The following JAZF1 variants were observed in gnomAD, a reference collection of about 807,000 sequenced individuals.
JAZF1 encodes the protein juxtaposed with another zinc finger protein 1.
A neutral mutation model predicts 26.4 loss-of-function variants in JAZF1; 8 were observed. The observed-to-expected ratio is 0.30, with a 90% CI of 0.18 to 0.55. The LOEUF (loss-of-function observed/expected upper bound fraction) is 0.55. Ranked by LOEUF, JAZF1 falls within the 20% of genes least tolerant of loss-of-function variation. The pLI, the probability that JAZF1 is intolerant of heterozygous loss-of-function variation, is 0.94. For synonymous variants in JAZF1, 126 were observed against 122.3 expected, an observed-to-expected ratio of 1.03 and a Z score of -0.20; for missense variants, 199 against 322.0, an observed-to-expected ratio of 0.62 and a Z score of 2.92.
chr7:28,007,812 A>G (rs1782730011), intron 1 of JAZF1, among the ~76,000 whole-genome samples: 1 of 152,198 alleles, frequency 6.6e-6, no homozygotes, highest in African/African-American at 2.4e-5. Context: ...AATGGAGAGG[A>G]AGGTACAGAG....
At chr7:27,838,463 C>G (rs1194463131) in intron 4 of JAZF1, among the ~76,000 whole-genome samples, 1 of 152,074 alleles carries the variant, frequency 6.6e-6, no homozygotes, top group Non-Finnish European at 1.5e-5. Flanking sequence ...ACTGTAGATC[C>G]TGGTCAGTGC....
intron 3 of JAZF1, among the ~76,000 whole-genome samples, chr7:27,853,316 C>T (rs1783185833): frequency 6.6e-6 from 1 of 152,112 alleles, no homozygotes; most frequent in South Asian, 2.1e-4. Context: ...CCAGTAGGGG[C>T]CATTGTGTAT....
intron 3 of JAZF1, among the ~76,000 whole-genome samples, chr7:27,848,867 C>T (rs1410968810): frequency 3.3e-5 from 5 of 152,166 alleles, no homozygotes; most frequent in Admixed American, 2.0e-4. Context: ...TTCTAGCTGC[C>T]TAAGAATGGG....
Position 27,840,561 on chromosome 7 carries a change from A to G in JAZF1, c.555+137T>C, listed in dbSNP as rs1479006026. On this transcript the variant is annotated intron_variant, in intron 4 of 4. Transcript: ENST00000283928. This position sits in a 1 kb window ranked among gnomAD's most constrained non-coding sequence, Gnocchi z 5.1. ...CTGTGTGCACACAGGGGTGAGGCCC[A>G]CGCACTCTAATGCAGGAGAGGGGAG... 3.4e-6 allele frequency: 3 copies of G among 888,930 alleles called. No homozygotes were observed. The highest frequency in any genetic ancestry group is 5.3e-6 in the Non-Finnish European group (3 of 567,584). The allele number at this position is 888,930 out of a possible 1,614,324, so 55.1% of individuals were successfully genotyped here. A position where few individuals can be genotyped will look rare whatever the true frequency, so the allele number is the denominator to read the frequency against.
intron 3 of JAZF1, among the ~76,000 whole-genome samples, chr7:27,890,323 C>T (rs559028256): frequency 1.3e-5 from 2 of 152,210 alleles, no homozygotes; most frequent in South Asian, 4.1e-4. Flanking sequence ...GTCAGCTGAC[C>T]CTTAGAGAAA....
chr7:27,841,894 T>G (rs1238817366), intron 3 of JAZF1: 1 of 152,148 alleles, frequency 6.6e-6, no homozygotes, highest in Non-Finnish European at 1.5e-5. Flanking sequence ...GTGGAATAAA[T>G]AGGAATTATA....
chr7:28,129,026 G>A (rs773874986), intron 1 of JAZF1, among the ~76,000 whole-genome samples: 3 of 151,966 alleles, frequency 2.0e-5, no homozygotes, highest in African/African-American at 7.3e-5. Flanking sequence ...AGAATCACTG[G>A]GTTCTCTGTT....
At chr7:28,103,738 A>G (rs1784508894) in intron 1 of JAZF1, among the ~76,000 whole-genome samples, 1 of 151,754 alleles carries the variant, frequency 6.6e-6, no homozygotes, top group African/African-American at 2.4e-5. Context: ...CACCACCTTC[A>G]CAACTACCAC....
At chr7:28,061,812 G>A (rs1291956817) in intron 1 of JAZF1, among the ~76,000 whole-genome samples, 2 of 152,216 alleles carry the variant, frequency 1.3e-5, no homozygotes, top group African/African-American at 2.4e-5. Flanking sequence ...AGTAAGACAA[G>A]TGGGTATTTC....
chr7:27,892,170 T>C (rs1474064311), intron 3 of JAZF1, among the ~76,000 whole-genome samples: 2 of 152,154 alleles, frequency 1.3e-5, no homozygotes, highest in Admixed American at 1.3e-4. Context: ...CATTGAAAAA[T>C]GTACACAATC....
chr7:28,010,415 C>T (rs891567484), intron 1 of JAZF1, among the ~76,000 whole-genome samples: 4 of 152,280 alleles, frequency 2.6e-5, no homozygotes, highest in Admixed American at 6.5e-5. Context: ...TCCTAGGTCC[C>T]GGGTGCCTCA....
intron 1 of JAZF1, among the ~76,000 whole-genome samples, chr7:28,110,963 T>C (rs980427863): frequency 1.3e-5 from 2 of 152,088 alleles, no homozygotes; most frequent in African/African-American, 4.8e-5. Context: ...CATTTAAAAT[T>C]AAAAACTAGG....
chr7:27,882,316 T>A (rs1281548626), intron 3 of JAZF1, among the ~76,000 whole-genome samples: 1 of 152,048 alleles, frequency 6.6e-6, no homozygotes, highest in African/African-American at 2.4e-5. Flanking sequence ...TGTTTTTTTT[T>A]TTTAAACAAA....
At chr7:28,125,146 C>CT (rs35830575) in intron 1 of JAZF1, among the ~76,000 whole-genome samples, 70,276 of 135,996 alleles carry the variant, frequency 0.52, 19,425 homozygotes, top group Non-Finnish European at 0.64. Context: ...GGGAAGATTG[C>CT]TTTTTTTTTT....
At chr7:27,981,304 CA>C (rs1232046564) in intron 2 of JAZF1, among the ~76,000 whole-genome samples, 1 of 152,120 alleles carries the variant, frequency 6.6e-6, no homozygotes, top group Admixed American at 6.5e-5. Flanking sequence ...CTAGAGGAAA[CA>C]ACCAAGAGAA....
At chr7:28,159,675 G>A (rs920460671) in intron 1 of JAZF1, among the ~76,000 whole-genome samples, 1 of 152,146 alleles carries the variant, frequency 6.6e-6, no homozygotes, top group African/African-American at 2.4e-5. Flanking sequence ...GGAGGCCCAG[G>A]AGGAGGCTGC....
intron 1 of JAZF1, among the ~76,000 whole-genome samples, chr7:28,035,279 A>T (rs762819221): frequency 1.5e-5 from 2 of 131,424 alleles, no homozygotes; most frequent in Non-Finnish European, 3.1e-5. Context: ...GCACCTCTGC[A>T]CTCCAGCCTG....
At chr7:28,167,255 C>A (rs113345125) in intron 1 of JAZF1, among the ~76,000 whole-genome samples, 2 of 152,234 alleles carry the variant, frequency 1.3e-5, no homozygotes, top group African/African-American at 4.8e-5. Flanking sequence ...ACCTCCACCC[C>A]AGCCTCCTGC....
rs376416174 is a variant in JAZF1, at chr7:27,972,636, A to G, written c.188+19273T>C. 3.6e-3 allele frequency among the ~76,000 whole-genome samples: 545 copies of G among 152,360 alleles called. 4 individuals carry two copies. Among genetic ancestry groups the G allele is most frequent in the Middle Eastern group, 0.017 (5 of 294 alleles). ...TAGAATAAGGATTAATCCACATTGC[A>G]GGATTATCGTTAGTGGTGAAAAACA... On this transcript the variant is annotated intron_variant, in intron 2 of 4. Transcript: ENST00000283928.
Sources: gnomAD v4.1 joint callset for allele counts (sites outside exome capture counted in the v4.1 genomes callset) on GRCh38, gnomAD v4.1.1 for gene constraint, Gnocchi (gnomAD v3.1) non-coding constraint, MANE v1.5 for transcripts, NCBI Gene and HGNC (gene_info 2026-07-23, HGNC 2026-07-21) for gene names.